Variants in FBXL17 observed in about 807,000 individuals in gnomAD.
FBXL17 encodes the protein F-box and leucine rich repeat protein 17.
Under a neutral mutation model 66.2 loss-of-function variants are expected in FBXL17, and 22 were observed. That is an observed-to-expected ratio of 0.33 (90% CI 0.24 to 0.47). FBXL17 has a LOEUF of 0.47. Among genes scored for constraint, FBXL17 ranks in the 20% least tolerant of loss-of-function variants. FBXL17 has a pLI of 1.00. For synonymous variants in FBXL17, 474 were observed against 400.5 expected (o/e 1.18, Z -2.19); for missense variants, 878 against 948.2 (o/e 0.93, Z 0.97).
intron 6 of FBXL17, among the ~76,000 whole-genome samples, chr5:108,088,886 T>A (rs1172962861): frequency 1.3e-5 from 2 of 152,176 alleles, no homozygotes; most frequent in East Asian, 3.9e-4. Context: ...TATACACAGA[T>A]AACTCACATA....
At chr5:108,312,401 C>T (rs1168103106) in intron 4 of FBXL17, among the ~76,000 whole-genome samples, 1 of 151,990 alleles carries the variant, frequency 6.6e-6, no homozygotes, top group Non-Finnish European at 1.5e-5. Flanking sequence ...TCCTGAGTAG[C>T]AGATTGCTTG....
At position 108,013,404 on chromosome 5, in the gene FBXL17, G is replaced by A. The variant is rs570568793; in HGVS notation, c.1822+7521C>T. ...CTATTCTTTCTTCAGAATAACCAAC[G>A]CATACAAAAGCATCCATTCAGACAC... On this transcript the variant is annotated intron_variant, in intron 7 of 8. Transcript: ENST00000542267. Among the ~76,000 whole-genome samples the A allele has an allele frequency of 5.9e-5, 9 of 152,226 alleles. No homozygotes were observed. The East Asian group carries it at 7.7e-4, about 13-fold the overall frequency.
chr5:107,930,832 T>C (rs1011807594), intron 7 of FBXL17, among the ~76,000 whole-genome samples: 2 of 152,244 alleles, frequency 1.3e-5, no homozygotes, highest in Non-Finnish European at 2.9e-5. Context: ...TAGTACTTTT[T>C]AAATAAATAT....
intron 6 of FBXL17, among the ~76,000 whole-genome samples, chr5:108,131,029 A>C (rs142789419): frequency 6.6e-6 from 1 of 152,126 alleles, no homozygotes. Context: ...TTTCATATAC[A>C]TCTCTAAGCA....
chr5:108,342,851 T>C (rs17163936), intron 4 of FBXL17, among the ~76,000 whole-genome samples: 4,084 of 152,244 alleles, frequency 0.027, 167 homozygotes, highest in African/African-American at 0.093. Flanking sequence ...CAGCAAATGA[T>C]AGCAAAATCC....
intron 6 of FBXL17, among the ~76,000 whole-genome samples, chr5:108,132,935 G>T (rs2149978209): frequency 6.6e-6 from 1 of 152,180 alleles, no homozygotes; most frequent in African/African-American, 2.4e-5. Context: ...GGAACCAAAA[G>T]AAAGGAATGT....
At chr5:108,175,955 T>C (rs1015614056) in intron 6 of FBXL17, among the ~76,000 whole-genome samples, 3 of 152,224 alleles carry the variant, frequency 2.0e-5, no homozygotes, top group Non-Finnish European at 4.4e-5. Flanking sequence ...ATTTTCACTA[T>C]TTACTGGGCT....
chr5:108,375,367 G>GCACA (rs61340348), intron 1 of FBXL17, among the ~76,000 whole-genome samples: 7,375 of 148,774 alleles, frequency 0.05, 505 homozygotes, highest in African/African-American at 0.15. Flanking sequence ...CAGAGACCCT[G>GCACA]CACACACACA....
At chr5:108,270,885 T>G (rs1401414550) in intron 4 of FBXL17, among the ~76,000 whole-genome samples, 1 of 152,062 alleles carries the variant, frequency 6.6e-6, no homozygotes, top group Non-Finnish European at 1.5e-5. Context: ...CACATACACA[T>G]AAAGACTAAC....
chr5:108,350,215 G>T (rs914958385), intron 3 of FBXL17, among the ~76,000 whole-genome samples: 1 of 152,164 alleles, frequency 6.6e-6, no homozygotes, highest in Non-Finnish European at 1.5e-5. Flanking sequence ...TAGAATTCTT[G>T]AAAGTCTGTT....
intron 6 of FBXL17, among the ~76,000 whole-genome samples, chr5:108,109,007 T>C (rs1307261476): frequency 6.6e-6 from 1 of 152,068 alleles, no homozygotes; most frequent in Non-Finnish European, 1.5e-5. Flanking sequence ...GGTCTCGAAC[T>C]CCTGACCTCA....
chr5:108,357,976 C>A (rs1748109174), intron 3 of FBXL17, among the ~76,000 whole-genome samples: 1 of 151,986 alleles, frequency 6.6e-6, no homozygotes, highest in Admixed American at 6.6e-5. Context: ...CGTTTGGATT[C>A]TATTTCTTTT....
At chr5:108,309,702 GA>G (rs893450728) in intron 4 of FBXL17, among the ~76,000 whole-genome samples, 9 of 151,930 alleles carry the variant, frequency 5.9e-5, no homozygotes, top group African/African-American at 2.2e-4. Flanking sequence ...CATTTACACA[GA>G]AAAAAACTGA....
intron 7 of FBXL17, among the ~76,000 whole-genome samples, chr5:107,919,603 C>CAT (rs770903004): frequency 6.6e-6 from 1 of 152,190 alleles, no homozygotes; most frequent in Non-Finnish European, 1.5e-5. Flanking sequence ...ACACTGCTCT[C>CAT]ATCCCTGTTC....
intron 8 of FBXL17, among the ~76,000 whole-genome samples, chr5:107,870,581 T>C (rs185685512): frequency 6.6e-6 from 1 of 151,760 alleles, no homozygotes; most frequent in East Asian, 1.9e-4. Context: ...CACGATTAGG[T>C]ATTTAATACC....
chr5:108,010,692 C>G (rs288186), intron 7 of FBXL17, among the ~76,000 whole-genome samples: 1 of 151,896 alleles, frequency 6.6e-6, no homozygotes, highest in African/African-American at 2.4e-5. Flanking sequence ...CTTGACATAA[C>G]GAGTCCATGT....
At chr5:107,983,236 G>A (rs1348819907) in intron 7 of FBXL17, among the ~76,000 whole-genome samples, 1 of 152,164 alleles carries the variant, frequency 6.6e-6, no homozygotes, top group African/African-American at 2.4e-5. Flanking sequence ...TTTGAGATAA[G>A]AGTCTCACTA....
intron 4 of FBXL17, among the ~76,000 whole-genome samples, chr5:108,307,009 G>A (rs935860537): frequency 4.6e-5 from 7 of 151,622 alleles, no homozygotes; most frequent in Admixed American, 3.9e-4. Flanking sequence ...ATTATCTTTA[G>A]GTATCCATCA....
chr5:108,377,559 G>C (rs1749533836), intron 1 of FBXL17, among the ~76,000 whole-genome samples: 2 of 152,226 alleles, frequency 1.3e-5, no homozygotes, highest in South Asian at 4.1e-4. Flanking sequence ...GAATGCTGTA[G>C]ACTTGCACTA....
Sources: gnomAD v4.1 joint callset for allele counts (sites outside exome capture counted in the v4.1 genomes callset) on GRCh38, gnomAD v4.1.1 for gene constraint, MANE v1.5 for transcripts, NCBI Gene and HGNC (gene_info 2026-07-23, HGNC 2026-07-21) for gene names.